HDAC4: variants seen among roughly 807,000 people sequenced by gnomAD.
HDAC4 encodes the protein histone deacetylase A.
HDAC4 carries 16 observed loss-of-function variants against 135.1 expected under a neutral mutation model. That is an observed-to-expected ratio of 0.12 (90% CI 0.08 to 0.18). The LOEUF (loss-of-function observed/expected upper bound fraction) is 0.18, where lower values mean the gene tolerates loss of function less well. Ranked by LOEUF, HDAC4 falls within the 10% of genes least tolerant of loss-of-function variation. HDAC4 has a pLI of 1.00. For synonymous variants in HDAC4, 685 were observed against 653.4 expected, an observed-to-expected ratio of 1.05 and a Z score of -0.74; for missense variants, 1,143 against 1,511.8, an observed-to-expected ratio of 0.76 and a Z score of 4.05.
intron 6 of HDAC4, chr2:239,162,408 C>T (rs1242963004): frequency 4.5e-6 from 2 of 449,118 alleles, no homozygotes; most frequent in South Asian, 1.6e-5. Flanking sequence ...CCACGATCCA[C>T]ACTCCTGTCC....
In HDAC4 at chr2:239,349,230, C is replaced by T. The variant is rs1021931684; in HGVS notation, c.22+3448G>A. Among the ~76,000 whole-genome samples, 29 of 152,136 alleles carry T rather than the reference C, an allele frequency of 1.9e-4. No homozygotes were observed. Among genetic ancestry groups the T allele is most frequent in the African/African-American group, 6.8e-4 (28 of 41,434 alleles). ...GACAGGGCCAGCTAGCAGAGGACGG[C>T]ACGAGAGACACACGGAGGGAGGGGA... is the stretch of plus-strand genomic sequence containing the variant. On this transcript the variant is annotated intron_variant, in intron 2 of 26. Transcript: ENST00000543185. The surrounding 1 kb of genome is among the most constrained non-coding windows in gnomAD (Gnocchi z 5.7).
chr2:239,237,483 C>T (rs181668629), intron 2 of HDAC4, among the ~76,000 whole-genome samples: 9 of 151,422 alleles, frequency 5.9e-5, no homozygotes, highest in South Asian at 2.1e-4. Flanking sequence ...CCTTACTAAG[C>T]GAAGGAGAGC....
intron 2 of HDAC4, among the ~76,000 whole-genome samples, chr2:239,288,262 G>C (rs892262203): frequency 1.3e-5 from 2 of 152,194 alleles, no homozygotes; most frequent in Non-Finnish European, 2.9e-5. Flanking sequence ...AACAGACGGA[G>C]TAAAAGCATT....
intron 3 of HDAC4, among the ~76,000 whole-genome samples, chr2:239,194,317 G>A (rs1277968295): frequency 6.6e-6 from 1 of 152,218 alleles, no homozygotes; most frequent in Non-Finnish European, 1.5e-5. Flanking sequence ...TTTTCTTGGA[G>A]ATTTGTACAA....
intron 1 of HDAC4, among the ~76,000 whole-genome samples, chr2:239,396,887 TG>T (rs1696595508): frequency 1.3e-5 from 2 of 152,362 alleles, no homozygotes; most frequent in Admixed American, 1.3e-4. Context: ...CCGGCTGAAG[TG>T]GACTTGGAGC....
intron 1 of HDAC4, among the ~76,000 whole-genome samples, chr2:239,379,104 AG>A (rs1252397368): frequency 1.3e-5 from 2 of 152,236 alleles, no homozygotes; most frequent in Non-Finnish European, 2.9e-5. Flanking sequence ...TAAGTAATTC[AG>A]AAGTGACAGG....
At chr2:239,261,795 C>CTT (rs2049382817) in intron 2 of HDAC4, among the ~76,000 whole-genome samples, 2 of 152,218 alleles carry the variant, frequency 1.3e-5, no homozygotes, top group South Asian at 4.1e-4. Flanking sequence ...CAACTCAAAC[C>CTT]ACCCCAGAAC....
rs377188580 is a variant in HDAC4, at chr2:239,352,669, C to T, written c.22+9G>A. The T allele has an allele frequency of 5.1e-6, 8 of 1,554,626 alleles. No individual in the cohort carries two copies. The highest frequency in any genetic ancestry group is 7.0e-6 in the Non-Finnish European group (8 of 1,148,152). ...CTGTGTGCCCAGAGAAGAAATGACCCGGCCTTACCTGGATGGCTTTGGGAG... is the reference window on the plus strand; with the variant it reads ...CTGTGTGCCCAGAGAAGAAATGACCTGGCCTTACCTGGATGGCTTTGGGAG... On this transcript the variant is annotated intron_variant, in intron 2 of 26. Coordinates refer to ENST00000543185, the MANE Select transcript of HDAC4 (RefSeq NM_001378414.1). This position sits in a 1 kb window ranked among gnomAD's most constrained non-coding sequence, Gnocchi z 4.4.
intron 1 of HDAC4, among the ~76,000 whole-genome samples, chr2:239,399,470 T>G (rs915046000): frequency 2.6e-5 from 4 of 152,092 alleles, no homozygotes; most frequent in African/African-American, 9.7e-5. Context: ...CACACCAGCC[T>G]TCTTTGGACA....
chr2:239,281,502 C>T (rs2050746974), intron 2 of HDAC4, among the ~76,000 whole-genome samples: 1 of 143,006 alleles, frequency 7.0e-6, no homozygotes, highest in Admixed American at 7.0e-5. Flanking sequence ...ATGTACACAC[C>T]ATGCTACAAT....
chr2:239,089,338 GT>G (rs960941915), intron 18 of HDAC4, among the ~76,000 whole-genome samples: 4 of 151,852 alleles, frequency 2.6e-5, no homozygotes, highest in African/African-American at 9.7e-5. Flanking sequence ...TAATTTTTTA[GT>G]TTTTTTTGAG....
chr2:239,118,255 A>T (rs1034363630), intron 12 of HDAC4, among the ~76,000 whole-genome samples: 8 of 152,202 alleles, frequency 5.3e-5, no homozygotes, highest in Non-Finnish European at 1.5e-5. Flanking sequence ...ACGGCAGTAA[A>T]AGCCGAGTGA....
intron 2 of HDAC4, among the ~76,000 whole-genome samples, chr2:239,249,538 C>G (rs1032794790): frequency 2.0e-5 from 3 of 152,108 alleles, no homozygotes; most frequent in Non-Finnish European, 4.4e-5. Flanking sequence ...GAAGAGCAAA[C>G]AGTACGTCTA....
intron 5 of HDAC4, 31 bp downstream of exon 5, chr2:239,176,382 C>T (rs1475354467): frequency 6.3e-7 from 1 of 1,599,190 alleles, no homozygotes; most frequent in Non-Finnish European, 8.5e-7. Context: ...GGCCTCCCTC[C>T]CTCTGCCTGG....
rs987843725 is a variant in HDAC4 at position 239,068,841 on chromosome 2, C to T, written c.2751-234G>A. The stretch of plus-strand genomic sequence containing the variant: ...CATCTTCACAGTGCAAGCCAGCAAG[C>T]CCCACGACACTTGCTTGGTGAGAGG... On this transcript the variant is annotated intron_variant, in intron 22 of 26. Transcript: ENST00000543185. The surrounding 1 kb of genome is among the most constrained non-coding windows in gnomAD (Gnocchi z 4.4). 1 of 571,712 alleles carries T rather than the reference C, an allele frequency of 1.7e-6. No individual in the cohort carries two copies. The highest frequency in any genetic ancestry group is 2.4e-5 in the Admixed American group (1 of 41,740). The allele number at this position is 571,712 out of a possible 1,614,324, so 35.4% of individuals were successfully genotyped here. A position where few individuals can be genotyped will look rare whatever the true frequency, so the allele number is the denominator to read the frequency against.
intron 22 of HDAC4, among the ~76,000 whole-genome samples, chr2:239,079,793 C>G (rs1425412036): frequency 1.3e-5 from 2 of 152,172 alleles, no homozygotes; most frequent in African/African-American, 2.4e-5. Flanking sequence ...TGCAAAGACA[C>G]ACAAGCACAC....
At chr2:239,337,384 A>G (rs1180425414) in intron 2 of HDAC4, among the ~76,000 whole-genome samples, 1 of 152,168 alleles carries the variant, frequency 6.6e-6, no homozygotes, top group Admixed American at 6.5e-5. Context: ...CTCCCACGCC[A>G]CACATCGCAC....
chr2:239,150,344 TACACAGAAACAGAC>T (rs1259910712), intron 7 of HDAC4, among the ~76,000 whole-genome samples: 1 of 147,856 alleles, frequency 6.8e-6, no homozygotes, highest in Non-Finnish European at 1.5e-5. Context: ...CAGAAACAGA[TACACAGAAACAGAC>T]ACACACACAG....
intron 2 of HDAC4, among the ~76,000 whole-genome samples, chr2:239,351,131 A>T (rs1418985763): frequency 6.6e-6 from 1 of 152,224 alleles, no homozygotes; most frequent in East Asian, 1.9e-4. Flanking sequence ...CAACCTAATG[A>T]TGTTTTAAGT....
Sources: allele counts gnomAD v4.1 joint callset (sites outside exome capture counted in the v4.1 genomes callset), GRCh38; gene constraint gnomAD v4.1.1; non-coding constraint Gnocchi (gnomAD v3.1); transcripts MANE v1.5; gene names NCBI Gene and HGNC (gene_info 2026-07-23, HGNC 2026-07-21).